Variants in STXBP5L observed in about 807,000 individuals in gnomAD.
The protein encoded by STXBP5L is syntaxin binding protein 5L.
In STXBP5L, 65 loss-of-function variants were observed where a neutral mutation model predicts 144.5. That is an observed-to-expected ratio of 0.45 (90% CI 0.37 to 0.55). The LOEUF (loss-of-function observed/expected upper bound fraction) is 0.55. Ranked by LOEUF, STXBP5L falls within the 20% of genes least tolerant of loss-of-function variation. STXBP5L has a pLI of 0.00. For missense variants in STXBP5L, 1,298 were observed against 1,405.5 expected, an observed-to-expected ratio of 0.92 and a Z score of 1.22; for synonymous variants, 505 against 469.6, an observed-to-expected ratio of 1.08 and a Z score of -0.97.
intron 19 of STXBP5L, among the ~76,000 whole-genome samples, chr3:121,311,090 T>A (rs994148652): frequency 1.3e-5 from 2 of 152,152 alleles, no homozygotes; most frequent in African/African-American, 4.8e-5. Flanking sequence ...GATAGAATCA[T>A]GAAGATATAT....
In STXBP5L at chr3:121,381,440, G is replaced by T. The variant is rs1180306111; in HGVS notation, c.2495G>T (p.Gly832Val). 6.2e-7 allele frequency: 1 copy of T among 1,603,782 alleles called. No individual in the cohort carries two copies. Among genetic ancestry groups the T allele is most frequent in the Non-Finnish European group, 8.5e-7 (1 of 1,177,342 alleles). The change falls in exon 22 of 27, where the codon GGA (glycine) becomes GTA (valine). Residue 832 changes from glycine to valine, a missense_variant. Coordinates refer to ENST00000471454, the MANE Select transcript of STXBP5L (RefSeq NM_001308330.2). ...ACCATCTCTCCTTGTCTGTTCGTTG[G>T]AACCAGTCTGGGAATGGTGTTAATC... ...DSTISPCLFV[G>V]TSLGMVLIIS...
intron 10 of STXBP5L, among the ~76,000 whole-genome samples, chr3:121,213,354 A>C (rs760933870): frequency 6.6e-6 from 1 of 152,140 alleles, no homozygotes; most frequent in African/African-American, 2.4e-5. Flanking sequence ...GGTTTCTCAT[A>C]AATAGCTCTT....
intron 16 of STXBP5L, 27 bp from the exon 17 acceptor site, chr3:121,257,134 A>G (rs76423889): frequency 0.019 from 28,433 of 1,532,586 alleles, 377 homozygotes; most frequent in Non-Finnish European, 0.021. Flanking sequence ...TGTGACTTAA[A>G]TTAAATTTAA....
At chr3:121,019,729 A>G (rs1266389752) in intron 3 of STXBP5L, among the ~76,000 whole-genome samples, 1 of 152,216 alleles carries the variant, frequency 6.6e-6, no homozygotes, top group Non-Finnish European at 1.5e-5. Flanking sequence ...AGTGGAGAGC[A>G]CCACATTAAG....
chr3:121,218,599 G>A (rs1368097277), intron 10 of STXBP5L, among the ~76,000 whole-genome samples: 1 of 151,860 alleles, frequency 6.6e-6, no homozygotes, highest in East Asian at 1.9e-4. Context: ...CTTGAAGGGA[G>A]TAGGGAGGAG....
At chr3:121,016,539 A>G (rs951345564) in intron 3 of STXBP5L, among the ~76,000 whole-genome samples, 2 of 152,224 alleles carry the variant, frequency 1.3e-5, no homozygotes, top group Admixed American at 6.5e-5. Context: ...AGATAAATAG[A>G]AACTTCTCAA....
chr3:121,241,495 C>T (rs1223179900), intron 14 of STXBP5L, among the ~76,000 whole-genome samples: 1 of 151,998 alleles, frequency 6.6e-6, no homozygotes, highest in Non-Finnish European at 1.5e-5. Flanking sequence ...TAGAGTTTCA[C>T]CCTTATCAGG....
intron 2 of STXBP5L, among the ~76,000 whole-genome samples, chr3:120,912,662 C>A (rs1249499044): frequency 6.6e-6 from 1 of 151,444 alleles, no homozygotes. Context: ...TTACTGCAAT[C>A]GTTCAGAATG....
At chr3:120,955,571 A>G (rs1209695052) in intron 3 of STXBP5L, among the ~76,000 whole-genome samples, 1 of 152,018 alleles carries the variant, frequency 6.6e-6, no homozygotes, top group African/African-American at 2.4e-5. Flanking sequence ...CTTGTTTTTT[A>G]AAATTAAACT....
chr3:121,147,838 T>G (rs2045773884), intron 7 of STXBP5L, among the ~76,000 whole-genome samples: 1 of 152,180 alleles, frequency 6.6e-6, no homozygotes, highest in African/African-American at 2.4e-5. Context: ...AGAGAATTCT[T>G]CCTGCCTGAC....
At chr3:121,273,739 T>C (rs1314577212) in intron 18 of STXBP5L, among the ~76,000 whole-genome samples, 1 of 152,050 alleles carries the variant, frequency 6.6e-6, no homozygotes, top group Non-Finnish European at 1.5e-5. Flanking sequence ...CTTATCTATT[T>C]TTTGTACTCT....
intron 22 of STXBP5L, among the ~76,000 whole-genome samples, chr3:121,406,655 ATTGTT>A (rs2046999270): frequency 6.6e-6 from 1 of 152,030 alleles, no homozygotes; most frequent in Non-Finnish European, 1.5e-5. Context: ...GCTGAAGGTA[ATTGTT>A]TTGTCTTTTT....
chr3:121,205,780 A>G, intron 9 of STXBP5L, 143 bp from the exon 10 acceptor site: 1 of 399,260 alleles, frequency 2.5e-6, no homozygotes. Flanking sequence ...ATTGGGATTC[A>G]TAGATATAAG....
chr3:121,075,356 A>G (rs548722693), intron 5 of STXBP5L, among the ~76,000 whole-genome samples: 76 of 152,226 alleles, frequency 5.0e-4, no homozygotes, highest in Middle Eastern at 3.4e-3. Flanking sequence ...TGTGACCATG[A>G]CCACGTCCTC....
At chr3:121,341,268 C>A (rs1270283457) in intron 20 of STXBP5L, among the ~76,000 whole-genome samples, 1 of 152,032 alleles carries the variant, frequency 6.6e-6, no homozygotes, top group African/African-American at 2.4e-5. Context: ...GCTCAACAAG[C>A]ACATAAAGGT....
At chr3:121,260,672 T>C (rs2050355082) in intron 18 of STXBP5L, among the ~76,000 whole-genome samples, 1 of 152,158 alleles carries the variant, frequency 6.6e-6, no homozygotes, top group African/African-American at 2.4e-5. Flanking sequence ...CATCTTTCTA[T>C]GCTTATTTGG....
At chr3:121,077,605 G>A (rs6438603) in intron 5 of STXBP5L, among the ~76,000 whole-genome samples, 15,100 of 152,108 alleles carry the variant, frequency 0.099, 1,180 homozygotes, top group Admixed American at 0.2. Context: ...CTGCTGGCTT[G>A]GGCAGCCTGC....
At chr3:120,912,720 G>T (rs10511406) in intron 2 of STXBP5L, among the ~76,000 whole-genome samples, 16,966 of 151,722 alleles carry the variant, frequency 0.11, 1,043 homozygotes, top group Non-Finnish European at 0.14. Context: ...TGAAATACAT[G>T]AACTGCCTTT....
intron 2 of STXBP5L, among the ~76,000 whole-genome samples, chr3:120,911,705 A>G (rs1328806280): frequency 6.6e-6 from 1 of 152,122 alleles, no homozygotes; most frequent in African/African-American, 2.4e-5. Context: ...AAATTATAAG[A>G]TAGATAGCTA....
Sources: gnomAD v4.1 joint callset for allele counts (sites outside exome capture counted in the v4.1 genomes callset) on GRCh38, gnomAD v4.1.1 for gene constraint, MANE v1.5 for transcripts, NCBI Gene and HGNC (gene_info 2026-07-23, HGNC 2026-07-21) for gene names.